Variants in PLEKHM3 observed in about 807,000 individuals in gnomAD.
The protein encoded by PLEKHM3 is pleckstrin homology domain containing M3, also known as pleckstrin homology domain-containing family M member 3.
In PLEKHM3, 45 loss-of-function variants were observed where a neutral mutation model predicts 81.8. The ratio of observed to expected loss-of-function variants is 0.55; its 90% CI spans 0.43 to 0.71. PLEKHM3 has a LOEUF of 0.71. PLEKHM3 is among the 30% of genes least tolerant of loss of function. The probability of loss-of-function intolerance (pLI) is 0.00; values close to 1 mark genes in which losing one functional copy is unlikely to be tolerated. For missense variants in PLEKHM3, 788 were observed against 924.3 expected (o/e 0.85, Z 1.91); for synonymous variants, 352 against 356.4 (o/e 0.99, Z 0.14).
At chr2:207,854,068 C>T (rs368997117) in intron 7 of PLEKHM3, among the ~76,000 whole-genome samples, 7 of 146,358 alleles carry the variant, frequency 4.8e-5, no homozygotes, top group East Asian at 2.0e-4. Context: ...TGAGCCACCA[C>T]GCCCAGCCCT....
chr2:207,974,992 G>A (rs1229663889), intron 3 of PLEKHM3, among the ~76,000 whole-genome samples: 7 of 149,830 alleles, frequency 4.7e-5, no homozygotes, highest in African/African-American at 1.7e-4. Flanking sequence ...CACCACACCC[G>A]GCTAATTTTG....
Position 208,001,416 on chromosome 2 carries a change from T to G in PLEKHM3, c.224A>C (p.His75Pro). Reference sequence around the variant, plus strand: ...GGTTTCTAAGAGCCTGCTCTTACAGTGGTCCCAAATCATGCCCCCCTTGCC... The same window carrying G: ...GGTTTCTAAGAGCCTGCTCTTACAGGGGTCCCAAATCATGCCCCCCTTGCC... ...SLGKGGMIWD[H>P]CKSRLLETKA... Residue 75 changes from histidine to proline, a missense_variant, in exon 2 of 8, where the codon CAC becomes CCC. Coordinates refer to ENST00000427836, the MANE Select transcript of PLEKHM3 (RefSeq NM_001080475.3). The G allele has an allele frequency of 6.2e-7, 1 of 1,614,194 alleles. No homozygotes were observed. The highest frequency in any genetic ancestry group is 8.5e-7 in the Non-Finnish European group (1 of 1,180,020).
intron 6 of PLEKHM3, among the ~76,000 whole-genome samples, chr2:207,886,768 C>T (rs1431291144): frequency 6.6e-6 from 1 of 152,098 alleles, no homozygotes; most frequent in Non-Finnish European, 1.5e-5. Context: ...CATTTTAAGC[C>T]ACATCTATGT....
chr2:208,015,280 C>T (rs557417156), intron 1 of PLEKHM3, among the ~76,000 whole-genome samples: 1 of 152,114 alleles, frequency 6.6e-6, no homozygotes, highest in African/African-American at 2.4e-5. Flanking sequence ...CCCCATAAGA[C>T]AATTCAAAGC....
chr2:207,853,859 C>T (rs1439943621), intron 7 of PLEKHM3, among the ~76,000 whole-genome samples: 1 of 152,182 alleles, frequency 6.6e-6, no homozygotes, highest in African/African-American at 2.4e-5. Context: ...CAGCCTCCGC[C>T]TGCTGAGTTT....
At chr2:207,930,731 T>C (rs1689562928) in intron 5 of PLEKHM3, among the ~76,000 whole-genome samples, 195 bp downstream of exon 5, 1 of 152,176 alleles carries the variant, frequency 6.6e-6, no homozygotes. Flanking sequence ...TTTGCTTGGC[T>C]TAACCAAATG....
intron 4 of PLEKHM3, among the ~76,000 whole-genome samples, chr2:207,941,029 C>A (rs1468620699): frequency 6.6e-6 from 1 of 152,174 alleles, no homozygotes; most frequent in Non-Finnish European, 1.5e-5. Context: ...GAAGAGGCAT[C>A]TTGAAAACAG....
chr2:207,856,792 A>C (rs961501293), intron 7 of PLEKHM3, among the ~76,000 whole-genome samples: 1 of 152,138 alleles, frequency 6.6e-6, no homozygotes, highest in Admixed American at 6.6e-5. Flanking sequence ...TTTTGTGTGG[A>C]TATGTTATCA....
intron 1 of PLEKHM3, among the ~76,000 whole-genome samples, chr2:208,004,623 CA>C (rs1692437295): frequency 6.6e-6 from 1 of 152,044 alleles, no homozygotes; most frequent in Non-Finnish European, 1.5e-5. Flanking sequence ...CTTAAACTTG[CA>C]GACAAGTTTT....
chr2:207,828,203 T>C lies in PLEKHM3; in HGVS notation c.*116A>G. On this transcript the variant is annotated 3_prime_UTR_variant, in exon 8 of 8. Transcript: ENST00000427836. ...ATAAATAAATATATATATCTATATC[T>C]AGTTGAAGAGGATACATACTCTTCT... 1 of 852,942 alleles carries C rather than the reference T, an allele frequency of 1.2e-6. No homozygotes were observed. The highest frequency in any genetic ancestry group is 1.8e-6 in the Non-Finnish European group (1 of 555,412). The allele number at this position is 852,942 out of a possible 1,614,324, so 52.8% of individuals were successfully genotyped here. A position where few individuals can be genotyped will look rare whatever the true frequency, so the allele number is the denominator to read the frequency against.
intron 7 of PLEKHM3, among the ~76,000 whole-genome samples, chr2:207,832,378 T>C (rs373887590): frequency 3.0e-4 from 46 of 152,298 alleles, no homozygotes; most frequent in East Asian, 2.7e-3. Flanking sequence ...ATTGTTCTCT[T>C]ACATAAGATT....
At chr2:208,014,059 C>T (rs1692793000) in intron 1 of PLEKHM3, among the ~76,000 whole-genome samples, 1 of 152,158 alleles carries the variant, frequency 6.6e-6, no homozygotes, top group African/African-American at 2.4e-5. Flanking sequence ...TTTGAAAGGG[C>T]AGACATACTC....
chr2:207,935,404 A>G (rs1043274629), intron 4 of PLEKHM3, among the ~76,000 whole-genome samples: 3 of 152,056 alleles, frequency 2.0e-5, no homozygotes, highest in Non-Finnish European at 4.4e-5. Flanking sequence ...CCACTCACCA[A>G]CCAGAAGAAA....
rs759054324 is a variant in PLEKHM3 at position 207,946,485 on chromosome 2, T to G, written c.1574A>C (p.Asn525Thr). ...AGCQRSIGLSNGKAKVCNYSG... is the reference protein window; with the variant it reads ...AGCQRSIGLSTGKAKVCNYSG... The stretch of plus-strand genomic sequence containing the variant: ...GTAGTTGCACACCTTGGCTTTCCCA[T>G]TGGAAAGACCTATGGATCGCTGGCA... Residue 525 changes from asparagine to threonine, a missense_variant, in exon 4 of 8, where the codon AAT becomes ACT. Transcript: ENST00000427836. 1 of 1,614,172 alleles carries G rather than the reference T, an allele frequency of 6.2e-7. No individual in the cohort carries two copies.
intron 1 of PLEKHM3, among the ~76,000 whole-genome samples, chr2:208,005,926 C>T (rs1024209472): frequency 6.6e-6 from 1 of 152,154 alleles, no homozygotes; most frequent in Admixed American, 6.5e-5. Flanking sequence ...CACCCACCCA[C>T]CTTGTTGTTT....
chr2:207,923,273 A>T (rs1689247626), intron 5 of PLEKHM3, among the ~76,000 whole-genome samples: 1 of 152,146 alleles, frequency 6.6e-6, no homozygotes, highest in Non-Finnish European at 1.5e-5. Context: ...ATGGGGAGGT[A>T]GGATCCCCAG....
At chr2:207,924,231 A>T (rs911747107) in intron 5 of PLEKHM3, among the ~76,000 whole-genome samples, 1 of 151,904 alleles carries the variant, frequency 6.6e-6, no homozygotes, top group Non-Finnish European at 1.5e-5. Context: ...TCAGGGAAAA[A>T]ATAATTTCAA....
chr2:207,828,968 CTTTA>C (rs2092269323), intron 7 of PLEKHM3, among the ~76,000 whole-genome samples: 1 of 152,062 alleles, frequency 6.6e-6, no homozygotes, highest in African/African-American at 2.4e-5. Flanking sequence ...AACTAGCTGC[CTTTA>C]TTTGACAGTT....
chr2:207,923,750 T>C (rs1689265428), intron 5 of PLEKHM3, among the ~76,000 whole-genome samples: 1 of 150,740 alleles, frequency 6.6e-6, no homozygotes. Context: ...TTGGACTATG[T>C]CAAGGTTCAA....
Sources: gnomAD v4.1 joint callset for allele counts (sites outside exome capture counted in the v4.1 genomes callset) on GRCh38, gnomAD v4.1.1 for gene constraint, MANE v1.5 for transcripts, NCBI Gene and HGNC (gene_info 2026-07-23, HGNC 2026-07-21) for gene names.